Variants in CELF2 observed in about 807,000 individuals in gnomAD.
The protein encoded by CELF2 is CUG triplet repeat RNA-binding protein 2.
Under a neutral mutation model 62.6 loss-of-function variants are expected in CELF2, and 8 were observed. The ratio of observed to expected loss-of-function variants is 0.13; its 90% confidence interval spans 0.07 to 0.23. The LOEUF (loss-of-function observed/expected upper bound fraction) is 0.23, where lower values mean the gene tolerates loss of function less well. Among genes scored for constraint, CELF2 ranks in the 10% least tolerant of loss-of-function variants. The pLI is 1.00. For missense variants in CELF2, 333 were observed against 671.0 expected (o/e 0.50, Z 5.56); for synonymous variants, 258 against 250.0 (o/e 1.03, Z -0.30).
In CELF2 at chr10:11,165,652, G is replaced by T. The variant is rs922460916; in HGVS notation, c.241G>T (p.Asp81Tyr). 1.2e-6 allele frequency: 2 copies of T among 1,613,898 alleles called. No homozygotes were observed. The highest frequency in any genetic ancestry group is 1.7e-6 in the Non-Finnish European group (2 of 1,179,938). Residue 81 changes from aspartate (D) to tyrosine (Y), a missense_variant, in exon 2 of 13, where the codon GAC becomes TAC. Asp to Tyr is a radical substitution (Grantham distance 160). Around this residue, in one of 3 missense-constraint regions of CELF2, gnomAD observed 253 missense variants for 503.0 expected, o/e 0.50. Transcript: ENST00000633077. This position sits in a 1 kb window ranked among gnomAD's most constrained non-coding sequence, Gnocchi z 7.4. ...CGTCTACCAGATCAACGTCCTCCGG[G>T]ACCGGAGTCAGAACCCTCCGCAGAG... ...GAVYQINVLR[D>Y]RSQNPPQSKG... is the part of the protein sequence containing the mutation.
chr10:11,273,117 A>C (rs2084478802), intron 7 of CELF2, among the ~76,000 whole-genome samples: 1 of 152,136 alleles, frequency 6.6e-6, no homozygotes, highest in Non-Finnish European at 1.5e-5. Flanking sequence ...ATGACTGAAC[A>C]CAGACTTTTC....
In CELF2 at chr10:11,111,956, C is replaced by T. The variant is rs1404035427; in HGVS notation, c.75-53530C>T. Among the ~76,000 whole-genome samples the T allele has an allele frequency of 4.6e-5, 7 of 152,172 alleles. 1 individual carries two copies. The East Asian group carries it at 5.8e-4, about 13-fold the overall frequency. On this transcript the variant is annotated intron_variant, in intron 1 of 12. Coordinates refer to ENST00000633077, the MANE Select transcript of CELF2 (RefSeq NM_001326342.2). ...TGACAGTCAGTGCAACCTGTATGCT[C>T]GGCCTGGTTTTTGTAAGGAAAACAG...
At chr10:11,097,743 C>T (rs1163330876) in intron 1 of CELF2, among the ~76,000 whole-genome samples, 8 of 152,272 alleles carry the variant, frequency 5.3e-5, no homozygotes, top group South Asian at 4.1e-4. Flanking sequence ...TGAGTTTCTA[C>T]GGGGTTTTCC....
At chr10:10,643,086 G>T in the CELF2 span, among the ~76,000 whole-genome samples, 1 of 152,216 alleles carries the variant, frequency 6.6e-6, no homozygotes, top group African/African-American at 2.4e-5. Flanking sequence ...CTGTCACATG[G>T]CTACACTCCC....
chr10:10,528,192 A>T, the CELF2 span, among the ~76,000 whole-genome samples: 1 of 152,146 alleles, frequency 6.6e-6, no homozygotes, highest in African/African-American at 2.4e-5. Flanking sequence ...ATTGTCATAA[A>T]GTTAATACAG....
intron 1 of CELF2, among the ~76,000 whole-genome samples, chr10:11,055,123 A>G (rs1010247214): frequency 6.6e-6 from 1 of 152,244 alleles, no homozygotes; most frequent in Non-Finnish European, 1.5e-5. Context: ...GTGTTAATGT[A>G]TTATTCTTGC....
chr10:10,767,821 C>A, the CELF2 span, among the ~76,000 whole-genome samples: 6 of 151,862 alleles, frequency 4.0e-5, no homozygotes, highest in Non-Finnish European at 7.4e-5. Context: ...ACGGTGAAAC[C>A]CCGTCTCTAC....
At chr10:11,130,281 C>G (rs900818350) in intron 1 of CELF2, among the ~76,000 whole-genome samples, 20 of 152,192 alleles carry the variant, frequency 1.3e-4, no homozygotes, top group African/African-American at 4.3e-4. Context: ...TCAGCAGGCA[C>G]TTACTTTGTG....
intron 1 of CELF2, among the ~76,000 whole-genome samples, chr10:11,032,926 TAAACTC>T (rs1286903915): frequency 6.6e-6 from 1 of 152,244 alleles, no homozygotes; most frequent in East Asian, 1.9e-4. Flanking sequence ...ACATAAATGA[TAAACTC>T]AAATGTATGT....
intron 1 of CELF2, among the ~76,000 whole-genome samples, chr10:11,044,580 C>T (rs1032075560): frequency 6.6e-6 from 1 of 152,110 alleles, no homozygotes. Flanking sequence ...ATGTTTCCCC[C>T]CACCAAGTAC....
the CELF2 span, among the ~76,000 whole-genome samples, chr10:10,550,059 A>C: frequency 2.4e-3 from 365 of 152,294 alleles, 1 homozygote; most frequent in African/African-American, 8.2e-3. Context: ...TCCATGTATA[A>C]TTTTTGACTC....
intron 1 of CELF2, among the ~76,000 whole-genome samples, chr10:10,878,120 C>A (rs981765173): frequency 3.3e-5 from 5 of 152,150 alleles, no homozygotes; most frequent in Non-Finnish European, 7.4e-5. Flanking sequence ...AATTTCCCAG[C>A]TAGACACAGA....
chr10:11,093,116 T>TA (rs1339153287), intron 1 of CELF2, among the ~76,000 whole-genome samples: 1 of 152,216 alleles, frequency 6.6e-6, no homozygotes, highest in Non-Finnish European at 1.5e-5. Flanking sequence ...GTGATGCAGT[T>TA]ACTTGTAATT....
chr10:11,030,509 C>T (rs2138805094), intron 1 of CELF2: 1 of 152,106 alleles, frequency 6.6e-6, no homozygotes, highest in South Asian at 2.1e-4. Context: ...TGAGGTTGCA[C>T]CTCTGTTTCT....
chr10:10,626,518 A>C, the CELF2 span, among the ~76,000 whole-genome samples: 1 of 152,320 alleles, frequency 6.6e-6, no homozygotes, highest in Admixed American at 6.5e-5. Flanking sequence ...AGGGAAAGAA[A>C]AAAAAAAGAT....
chr10:11,298,032 G>A (rs2093364433), intron 9 of CELF2, among the ~76,000 whole-genome samples: 1 of 152,200 alleles, frequency 6.6e-6, no homozygotes, highest in African/African-American at 2.4e-5. Context: ...GGTCACTAGG[G>A]GAAGAAGTTT....
At chr10:11,142,407 G>A (rs1357864392) in intron 1 of CELF2, among the ~76,000 whole-genome samples, 2 of 151,902 alleles carry the variant, frequency 1.3e-5, no homozygotes, top group Non-Finnish European at 2.9e-5. Context: ...GGGCTGGGCT[G>A]GGCGCGGTGG....
the CELF2 span, among the ~76,000 whole-genome samples, chr10:10,505,077 G>C: frequency 6.6e-6 from 1 of 151,988 alleles, no homozygotes; most frequent in Non-Finnish European, 1.5e-5. Context: ...CTATCTTCCT[G>C]GTTCTTTTTA....
At chr10:10,962,997 CTGTTTTGTT>C (rs2049699622) in intron 2 of CELF2, among the ~76,000 whole-genome samples, 1 of 142,602 alleles carries the variant, frequency 7.0e-6, no homozygotes, top group Non-Finnish European at 1.5e-5. Context: ...TAAGGAAATT[CTGTTTTGTT>C]TTGTTTTGTT....
Sources: allele counts gnomAD v4.1 joint callset (sites outside exome capture counted in the v4.1 genomes callset), GRCh38; gene constraint gnomAD v4.1.1; regional missense constraint gnomAD v4.1.1; non-coding constraint Gnocchi (gnomAD v3.1); transcripts MANE v1.5; gene names NCBI Gene and HGNC (gene_info 2026-07-23, HGNC 2026-07-21).